Variants in NETO2 observed in about 807,000 individuals in gnomAD.
NETO2 encodes neuropilin and tolloid-like protein 2.
Under a neutral mutation model 62.5 loss-of-function variants are expected in NETO2, and 28 were observed. The observed-to-expected ratio is 0.45, with a 90% confidence interval of 0.33 to 0.61. The LOEUF is 0.61. Among genes scored for constraint, NETO2 ranks in the 20% least tolerant of loss-of-function variants. The pLI, the probability that NETO2 is intolerant of heterozygous loss-of-function variation, is 0.02. For missense variants in NETO2, 548 were observed against 643.2 expected (o/e 0.85, Z 1.60); for synonymous variants, 214 against 219.1 (o/e 0.98, Z 0.21).
Position 47,083,803 on chromosome 16 carries a change from T to TTTACAATGATTTTCATCCCAA in NETO2, c.998-3_998-2insTTGGGATGAAAATCATTGTAA. ...CAAATACTCCTGCTTTTTTCTTTTC[T>TTTACAATGATTTTCATCCCAA]GCAGAAAGAAAATGAGAAACGTTAA... On this transcript the variant is annotated splice_polypyrimidine_tract_variant and splice_region_variant and intron_variant, in intron 8 of 8. Transcript: ENST00000562435. The TTTACAATGATTTTCATCCCAA allele has an allele frequency of 6.4e-7, 1 of 1,565,134 alleles. No homozygotes were observed.
Position 47,081,552 on chromosome 16 carries a change from AAATTT to A in NETO2, c.*1664_*1668del, listed in dbSNP as rs1353380934. The A allele has an allele frequency of 6.5e-5, 10 of 152,708 alleles. No homozygotes were observed. In the East Asian group the frequency reaches 1.9e-3, roughly 29 times the overall value. 9.5% of individuals were successfully genotyped at this position (152,708 alleles called of 1,614,324 possible). A position where few individuals can be genotyped will look rare whatever the true frequency, so the allele number is the denominator to read the frequency against. On this transcript the variant is annotated 3_prime_UTR_variant, in exon 9 of 9. Transcript: ENST00000562435. ...CACTCTGAGGCAGTATATGTGTATT[AAATTT>A]AAGGTCACAATTTTCACTAATCTGA...
In NETO2 at chr16:47,083,918, C is replaced by T. The variant is rs950018779; in HGVS notation, c.998-117G>A. 1.3e-5 allele frequency: 9 copies of T among 695,596 alleles called. No homozygotes were observed. In the Admixed American group the frequency reaches 1.6e-4, roughly 12 times the overall value. 43.1% of individuals were successfully genotyped at this position (695,596 alleles called of 1,614,324 possible). A position where few individuals can be genotyped will look rare whatever the true frequency, so the allele number is the denominator to read the frequency against. ...ATACTTGGGCCAAATATACTACAGA[C>T]AATGCAATTTACAATTAGGTTTTTA... On this transcript the variant is annotated intron_variant, in intron 8 of 8. Coordinates refer to ENST00000562435, the MANE Select transcript of NETO2 (RefSeq NM_018092.5).
At chr16:47,135,338 A>C (rs980556738) in intron 1 of NETO2, among the ~76,000 whole-genome samples, 1 of 152,206 alleles carries the variant, frequency 6.6e-6, no homozygotes, top group Non-Finnish European at 1.5e-5. Flanking sequence ...ATTATATCTC[A>C]AATACAGGAA....
chr16:47,140,883 G>T (rs1262147257), intron 1 of NETO2, among the ~76,000 whole-genome samples: 4 of 152,174 alleles, frequency 2.6e-5, no homozygotes, highest in Non-Finnish European at 5.9e-5. Flanking sequence ...TTGAAATATT[G>T]CTGAGTCGAA....
At chr16:47,098,170 A>T (rs1963466814) in intron 7 of NETO2, among the ~76,000 whole-genome samples, 2 of 152,202 alleles carry the variant, frequency 1.3e-5, no homozygotes, top group South Asian at 4.1e-4. Context: ...CTGGATGGAG[A>T]ATGAATTTGA....
rs372851634 is a variant in NETO2 at position 47,122,766 on chromosome 16, G to A, written c.545C>T (p.Ser182Leu). 5 of 1,613,796 alleles carry A rather than the reference G, an allele frequency of 3.1e-6. No individual in the cohort carries two copies. The highest frequency in any genetic ancestry group is 1.3e-5 in the African/African-American group (1 of 74,848). The change falls in exon 6 of 9, where the codon TCG (serine) becomes TTG (leucine). Residue 182 changes from serine (S) to leucine (L), a missense_variant. Coordinates refer to ENST00000562435, the MANE Select transcript of NETO2 (RefSeq NM_018092.5). Reference sequence around the variant, plus strand: ...AGAGCGCACTATTCCATCAGCTCCCGAGAGCTCGAACTGACAATCTGGAAG... The same window carrying A: ...AGAGCGCACTATTCCATCAGCTCCCAAGAGCTCGAACTGACAATCTGGAAG... ...NPIPDCQFELSGADGIVRSSQ... is the reference protein window; with the variant it reads ...NPIPDCQFELLGADGIVRSSQ...
chr16:47,101,748 G>A (rs1311948189), intron 7 of NETO2, among the ~76,000 whole-genome samples: 1 of 152,136 alleles, frequency 6.6e-6, no homozygotes, highest in Non-Finnish European at 1.5e-5. Flanking sequence ...CCACTTCAAG[G>A]AGAACTACAA....
chr16:47,101,611 C>T (rs1963546283), intron 7 of NETO2, among the ~76,000 whole-genome samples: 1 of 152,128 alleles, frequency 6.6e-6, no homozygotes, highest in Admixed American at 6.5e-5. Context: ...AATCAATGTG[C>T]AAAAATCACA....
At chr16:47,095,510 T>C (rs1448230997) in intron 7 of NETO2, among the ~76,000 whole-genome samples, 2 of 152,192 alleles carry the variant, frequency 1.3e-5, no homozygotes, top group East Asian at 3.8e-4. Flanking sequence ...AGATATTCCA[T>C]GCAAATAGTT....
At chr16:47,108,986 CTAAG>C (rs768414116) in intron 7 of NETO2, among the ~76,000 whole-genome samples, 5 of 152,206 alleles carry the variant, frequency 3.3e-5, no homozygotes, top group Non-Finnish European at 5.9e-5. Context: ...AATACTACTA[CTAAG>C]TTAGAAAATC....
chr16:47,121,196 C>T (rs1320671958), intron 6 of NETO2, among the ~76,000 whole-genome samples: 3 of 152,046 alleles, frequency 2.0e-5, no homozygotes, highest in South Asian at 2.1e-4. Flanking sequence ...TTGTAGGATA[C>T]GTGAAACACT....
chr16:47,132,726 G>A (rs183235879), intron 1 of NETO2, among the ~76,000 whole-genome samples: 62 of 152,314 alleles, frequency 4.1e-4, no homozygotes, highest in Admixed American at 9.8e-4. Context: ...AGCCTGTCCC[G>A]AACTACTGCG....
chr16:47,107,054 T>C (rs1438206248), intron 7 of NETO2, among the ~76,000 whole-genome samples: 1 of 152,200 alleles, frequency 6.6e-6, no homozygotes, highest in African/African-American at 2.4e-5. Flanking sequence ...AGTGCTGGGA[T>C]TACAGGTGTG....
At chr16:47,089,877 CTTTT>C (rs1275018428) in intron 7 of NETO2, among the ~76,000 whole-genome samples, 2 of 152,042 alleles carry the variant, frequency 1.3e-5, no homozygotes, top group South Asian at 2.1e-4. Context: ...ACTGGAGTTT[CTTTT>C]TTTATTTATA....
chr16:47,124,158 C>CT (rs1042396896), intron 4 of NETO2, among the ~76,000 whole-genome samples: 7 of 149,302 alleles, frequency 4.7e-5, no homozygotes, highest in Non-Finnish European at 6.0e-5. Context: ...ATCTCAGCAA[C>CT]TTTTTTTTTT....
chr16:47,135,473 G>A (rs1285613551), intron 1 of NETO2, among the ~76,000 whole-genome samples: 2 of 152,188 alleles, frequency 1.3e-5, no homozygotes, highest in African/African-American at 2.4e-5. Context: ...AGAACTGCTT[G>A]TGATTTGATG....
At chr16:47,084,059 A>G (rs1963130775) in intron 8 of NETO2, among the ~76,000 whole-genome samples, 1 of 152,244 alleles carries the variant, frequency 6.6e-6, no homozygotes, top group South Asian at 2.1e-4. Flanking sequence ...AAATGCATAC[A>G]TTCTGCAAAT....
intron 4 of NETO2, among the ~76,000 whole-genome samples, chr16:47,124,222 T>A (rs1450801443): frequency 6.6e-6 from 1 of 152,188 alleles, no homozygotes; most frequent in African/African-American, 2.4e-5. Context: ...ACACTTCTGC[T>A]CTTTTGCAGA....
rs540243330 is a variant in NETO2 at position 47,082,231 on chromosome 16, C to G, written c.*990G>C. ...AGCAATCTCAAGGCTCATCCAATTTCTAAGGAATTTTAACTGGCATCTAAC... is the reference window on the plus strand; with the variant it reads ...AGCAATCTCAAGGCTCATCCAATTTGTAAGGAATTTTAACTGGCATCTAAC... On this transcript the variant is annotated 3_prime_UTR_variant, in exon 9 of 9. Coordinates refer to ENST00000562435, the MANE Select transcript of NETO2 (RefSeq NM_018092.5). 5.9e-5 allele frequency: 9 copies of G among 152,704 alleles called. No homozygotes were observed. In the South Asian group the frequency reaches 1.9e-3, roughly 32 times the overall value. 9.5% of individuals were successfully genotyped at this position (152,704 alleles called of 1,614,324 possible).
Sources: allele counts gnomAD v4.1 joint callset (sites outside exome capture counted in the v4.1 genomes callset), GRCh38; gene constraint gnomAD v4.1.1; transcripts MANE v1.5; gene names NCBI Gene and HGNC (gene_info 2026-07-23, HGNC 2026-07-21).